The following LMO7 variants were observed in gnomAD, a reference collection of about 807,000 sequenced individuals.
LMO7 encodes the protein LIM domain 7, also known as LIM domain only protein 7.
A neutral mutation model predicts 206.5 loss-of-function variants in LMO7; 120 were observed. That is an observed-to-expected ratio of 0.58 (90% CI 0.50 to 0.68). LMO7 has a LOEUF of 0.68. Among genes scored for constraint, LMO7 ranks in the 30% least tolerant of loss-of-function variants. The probability of loss-of-function intolerance (pLI) is 0.00; values close to 1 mark genes in which losing one functional copy is unlikely to be tolerated. For missense variants in LMO7, 1,959 were observed against 1,957.9 expected (o/e 1.00, Z -0.01); for synonymous variants, 706 against 681.5 (o/e 1.04, Z -0.56).
chr13:75,821,635 G>T (rs773336307), intron 14 of LMO7, 26 bp downstream of exon 14: 13 of 1,574,732 alleles, frequency 8.3e-6, no homozygotes, highest in Non-Finnish European at 1.1e-5. Flanking sequence ...GGTTCATTTA[G>T]TCTGTTCTGA....
Position 75,808,192 on chromosome 13 carries a change from G to A in LMO7, c.1909G>A (p.Val637Met). Residue 637 changes from valine (V) to methionine (M), a missense_variant, in exon 10 of 31, where the codon GTG becomes ATG. By Grantham distance (21) the Val-to-Met change is conservative. Coordinates refer to ENST00000377534, the MANE Select transcript of LMO7 (RefSeq NM_001306080.2). Reference sequence around the variant, plus strand: ...ACTTAGGCACAAGAAAAGGCTGATGGTGGAGAGGTCAGAGTGTGTTTCTGC... The same window carrying A: ...ACTTAGGCACAAGAAAAGGCTGATGATGGAGAGGTCAGAGTGTGTTTCTGC... ...SRLRHKKRLM[V>M]ERLFQKIYGE... 1 of 1,611,190 alleles carries A rather than the reference G, an allele frequency of 6.2e-7. No homozygotes were observed. The highest frequency in any genetic ancestry group is 8.5e-7 in the Non-Finnish European group (1 of 1,178,158).
chr13:75,693,324 T>C (rs1399200319), intron 1 of LMO7, among the ~76,000 whole-genome samples: 1 of 152,212 alleles, frequency 6.6e-6, no homozygotes. Flanking sequence ...AGTCTTTTTG[T>C]GTAGCACTGA....
chr13:75,735,268 A>G (rs543288266), intron 3 of LMO7, among the ~76,000 whole-genome samples: 1 of 151,804 alleles, frequency 6.6e-6, no homozygotes, highest in East Asian at 2.0e-4. Context: ...CCCCCTCTTC[A>G]GGAGGAGAGG....
chr13:75,804,687 TTTAG>T (rs2141004219), intron 8 of LMO7, 146 bp downstream of exon 8: 1 of 1,156,582 alleles, frequency 8.6e-7, no homozygotes, highest in East Asian at 2.5e-5. Context: ...TCCCTCTATT[TTTAG>T]TTATACATAT....
intron 4 of LMO7, among the ~76,000 whole-genome samples, chr13:75,790,748 C>A (rs983009098): frequency 1.3e-5 from 2 of 152,236 alleles, no homozygotes; most frequent in Middle Eastern, 3.4e-3. Flanking sequence ...TACTCTCTGG[C>A]AGAAAGCTCA....
Position 75,726,951 on chromosome 13 carries a change from T to C in LMO7, c.141-78T>C, listed in dbSNP as rs138499595. On this transcript the variant is annotated intron_variant, in intron 2 of 30. Transcript: ENST00000377534. ...ACATTGAGGGGAGGGAATAGTGATA[T>C]ATGTGATTTTTGAGAATGCTAACAA... is the stretch of plus-strand genomic sequence containing the variant. 8.7e-5 allele frequency: 68 copies of C among 777,986 alleles called. No homozygotes were observed. The African/African-American group carries it at 9.4e-4, about 11-fold the overall frequency. 48.2% of individuals were successfully genotyped at this position (777,986 alleles called of 1,614,324 possible). A position where few individuals can be genotyped will look rare whatever the true frequency, so the allele number is the denominator to read the frequency against.
chr13:75,843,067 C>G (rs1026840298), intron 25 of LMO7, 151 bp downstream of exon 25: 1 of 624,710 alleles, frequency 1.6e-6, no homozygotes, highest in African/African-American at 1.8e-5. Context: ...TATCAGTTAG[C>G]TTTTGCTGTG....
At position 75,807,808 on chromosome 13, in the gene LMO7, C is replaced by T. The variant is rs2055742643; in HGVS notation, c.1525C>T (p.Leu509Phe). Residue 509 changes from leucine (L) to phenylalanine (F), a missense_variant, in exon 10 of 31, where the codon CTT becomes TTT. Transcript: ENST00000377534. ...ILQCREGELVLPDLEKDDMIV... is the reference protein window; with the variant it reads ...ILQCREGELVFPDLEKDDMIV... Reference sequence around the variant, plus strand: ...ACAGTGTAGAGAAGGTGAACTTGTACTTCCGGATTTGGAAAAAGATGATAT... The same window carrying T: ...ACAGTGTAGAGAAGGTGAACTTGTATTTCCGGATTTGGAAAAAGATGATAT... 3.7e-6 allele frequency: 6 copies of T among 1,613,762 alleles called. No individual in the cohort carries two copies. The African/African-American group carries it at 8.0e-5, about 22-fold the overall frequency.
In LMO7 at chr13:75,840,223, A is replaced by G; in HGVS notation, c.3477+113A>G. Reference sequence around the variant, plus strand: ...TTGCATAAGAATTTATCAGAGAGTTATCCTTCCAAGTTGAAAAACTTATTT... The same window carrying G: ...TTGCATAAGAATTTATCAGAGAGTTGTCCTTCCAAGTTGAAAAACTTATTT... On this transcript the variant is annotated intron_variant, in intron 21 of 30. Coordinates refer to ENST00000377534, the MANE Select transcript of LMO7 (RefSeq NM_001306080.2). 2.2e-6 allele frequency: 3 copies of G among 1,388,650 alleles called. No homozygotes were observed. The South Asian group carries it at 3.6e-5, about 16-fold the overall frequency. The allele number at this position is 1,388,650 out of a possible 1,614,324, so 86.0% of individuals were successfully genotyped here.
intron 1 of LMO7, among the ~76,000 whole-genome samples, chr13:75,658,327 A>T (rs993673994): frequency 1.1e-4 from 16 of 151,872 alleles, no homozygotes; most frequent in Middle Eastern, 6.8e-3. Context: ...TTTAGAATTA[A>T]TTTTTTTTCA....
chr13:75,707,868 T>C (rs543795711), intron 1 of LMO7, among the ~76,000 whole-genome samples: 2 of 151,328 alleles, frequency 1.3e-5, no homozygotes, highest in East Asian at 3.9e-4. Context: ...GAGGGGGTCT[T>C]CAGACCCCCT....
intron 1 of LMO7, among the ~76,000 whole-genome samples, chr13:75,675,902 A>ATG (rs2039970687): frequency 6.6e-6 from 1 of 151,744 alleles, no homozygotes; most frequent in African/African-American, 2.4e-5. Context: ...ACACACACAC[A>ATG]CACACACACA....
At chr13:75,808,861 A>C (rs1368278476) in intron 10 of LMO7, among the ~76,000 whole-genome samples, 1 of 152,208 alleles carries the variant, frequency 6.6e-6, no homozygotes, top group African/African-American at 2.4e-5. Context: ...ATTAGGTTGA[A>C]TAAAATTAGA....
intron 1 of LMO7, among the ~76,000 whole-genome samples, chr13:75,698,153 TAAGA>T (rs2042028769): frequency 6.6e-6 from 1 of 152,176 alleles, no homozygotes; most frequent in Admixed American, 6.5e-5. Context: ...ATGAAACACT[TAAGA>T]TAGATGCAAA....
intron 1 of LMO7, among the ~76,000 whole-genome samples, chr13:75,687,231 G>T (rs912216478): frequency 6.6e-6 from 1 of 152,174 alleles, no homozygotes; most frequent in Admixed American, 6.5e-5. Flanking sequence ...AAACTTGACT[G>T]TATTAGTGTC....
At chr13:75,857,195 C>T (rs1253956083) in intron 30 of LMO7, 1 of 152,256 alleles carries the variant, frequency 6.6e-6, no homozygotes, top group Non-Finnish European at 1.5e-5. Flanking sequence ...TGCTACTTTG[C>T]ATCTAAGCAT....
chr13:75,647,771 C>T (rs990581943), intron 1 of LMO7, among the ~76,000 whole-genome samples: 1 of 152,016 alleles, frequency 6.6e-6, no homozygotes. Flanking sequence ...AGAGGCCCAT[C>T]TCATGCTTTG....
chr13:75,845,919 A>G (rs1236664967), intron 26 of LMO7, among the ~76,000 whole-genome samples: 2 of 152,204 alleles, frequency 1.3e-5, no homozygotes, highest in East Asian at 1.9e-4. Context: ...CATTTTAAGC[A>G]GGGTTTGCAT....
rs999862503 is a variant in LMO7, at chr13:75,844,129, G to A, written c.4098-1198G>A. Among the ~76,000 whole-genome samples the A allele has an allele frequency of 7.9e-5, 12 of 152,230 alleles. No individual in the cohort carries two copies. The East Asian group carries it at 2.3e-3, about 29-fold the overall frequency. ...ATGCAGAGAAAGGAAACTTAAGGAAGCCTGGAAAATATGAATACCTGCAGG... is the reference window on the plus strand; with the variant it reads ...ATGCAGAGAAAGGAAACTTAAGGAAACCTGGAAAATATGAATACCTGCAGG... On this transcript the variant is annotated intron_variant, in intron 25 of 30. Coordinates refer to ENST00000377534, the MANE Select transcript of LMO7 (RefSeq NM_001306080.2).
Sources: allele counts gnomAD v4.1 joint callset (sites outside exome capture counted in the v4.1 genomes callset), GRCh38; gene constraint gnomAD v4.1.1; transcripts MANE v1.5; gene names NCBI Gene and HGNC (gene_info 2026-07-23, HGNC 2026-07-21).